SCFD1: variants seen among roughly 807,000 people sequenced by gnomAD.
SCFD1 encodes sec1 family domain-containing protein 1.
SCFD1 carries 37 observed loss-of-function variants against 103.2 expected under a neutral mutation model. That is an observed-to-expected ratio of 0.36 (90% CI 0.28 to 0.47). The LOEUF (loss-of-function observed/expected upper bound fraction) is 0.47, where lower values mean the gene tolerates loss of function less well. SCFD1 is among the 20% of genes least tolerant of loss of function. The probability of loss-of-function intolerance (pLI) is 1.00; values close to 1 mark genes in which losing one functional copy is unlikely to be tolerated. For synonymous variants in SCFD1, 264 were observed against 245.0 expected, an observed-to-expected ratio of 1.08 and a Z score of -0.73; for missense variants, 639 against 761.2, an observed-to-expected ratio of 0.84 and a Z score of 1.89.
intron 9 of SCFD1, chr14:30,652,397 G>A (rs1886482561): frequency 6.6e-6 from 1 of 151,900 alleles, no homozygotes. Context: ...CTCTGTTAAG[G>A]GGATAATAAT....
chr14:30,711,248 G>C (rs753907270), intron 19 of SCFD1, among the ~76,000 whole-genome samples: 2 of 152,094 alleles, frequency 1.3e-5, no homozygotes, highest in Non-Finnish European at 2.9e-5. Context: ...ATTAAAAAAA[G>C]ACTTAAAATA....
At chr14:30,721,525 T>C (rs371003297) in intron 21 of SCFD1, among the ~76,000 whole-genome samples, 3 of 151,776 alleles carry the variant, frequency 2.0e-5, no homozygotes, top group South Asian at 4.2e-4. Flanking sequence ...ATATATAATA[T>C]TGAGTTTGGT....
At chr14:30,691,948 A>ATTTG (rs1224281263) in intron 14 of SCFD1, among the ~76,000 whole-genome samples, 1 of 150,548 alleles carries the variant, frequency 6.6e-6, no homozygotes, top group Non-Finnish European at 1.5e-5. Context: ...TTATTTATTT[A>ATTTG]TTTATTTATT....
At chr14:30,692,689 A>G (rs1408286461) in intron 14 of SCFD1, among the ~76,000 whole-genome samples, 1 of 152,228 alleles carries the variant, frequency 6.6e-6, no homozygotes, top group Non-Finnish European at 1.5e-5. Context: ...GTGAATAGTG[A>G]TAAAACAGAA....
At chr14:30,649,626 T>G in intron 8 of SCFD1, 43 bp downstream of exon 8, 1 of 1,435,898 alleles carries the variant, frequency 7.0e-7, no homozygotes, top group Non-Finnish European at 9.5e-7. Context: ...TAACATTGTG[T>G]GAATTGTTTT....
chr14:30,684,069 A>G (rs774179318), intron 14 of SCFD1, among the ~76,000 whole-genome samples: 1 of 152,214 alleles, frequency 6.6e-6, no homozygotes, highest in Non-Finnish European at 1.5e-5. Context: ...AATCCCTGCA[A>G]TTACTTATAG....
At chr14:30,652,876 G>A (rs1344512268) in intron 9 of SCFD1, among the ~76,000 whole-genome samples, 1 of 151,976 alleles carries the variant, frequency 6.6e-6, no homozygotes, top group Non-Finnish European at 1.5e-5. Context: ...AAGAGTGGTG[G>A]TGCACACCTG....
At chr14:30,677,962 C>T (rs893001365) in intron 14 of SCFD1, among the ~76,000 whole-genome samples, 2 of 150,564 alleles carry the variant, frequency 1.3e-5, no homozygotes, top group African/African-American at 4.9e-5. Context: ...GCCTCAGCCT[C>T]CTGAGTAGCT....
chr14:30,652,465 G>A (rs919637348), intron 9 of SCFD1: 4 of 151,932 alleles, frequency 2.6e-5, no homozygotes, highest in South Asian at 2.1e-4. Flanking sequence ...GTGGTATAGC[G>A]TTTTTTGAGG....
chr14:30,719,746 G>A (rs185404347), intron 21 of SCFD1, among the ~76,000 whole-genome samples: 1 of 152,194 alleles, frequency 6.6e-6, no homozygotes, highest in East Asian at 1.9e-4. Context: ...TTGTTTGGTT[G>A]TTTTTTATTT....
chr14:30,725,380 T>C lies in SCFD1; in HGVS notation c.1836+2821T>C, dbSNP rs142629990. Among the ~76,000 whole-genome samples, 18 of 152,330 alleles carry C rather than the reference T, an allele frequency of 1.2e-4. No individual in the cohort carries two copies. The East Asian group carries it at 3.3e-3, about 28-fold the overall frequency. ...TTATTTGAGCAGTGGTTTGTAGTTC[T>C]GCTTGTAGAGATCTTTCACCTCCCT... On this transcript the variant is annotated intron_variant, in intron 23 of 24. Coordinates refer to ENST00000458591, the MANE Select transcript of SCFD1 (RefSeq NM_016106.4).
At chr14:30,671,065 A>C (rs1041185457) in intron 11 of SCFD1, among the ~76,000 whole-genome samples, 1 of 152,142 alleles carries the variant, frequency 6.6e-6, no homozygotes, top group African/African-American at 2.4e-5. Context: ...AATTATGAAA[A>C]TATGATTTTT....
Position 30,649,515 on chromosome 14 carries a change from A to G in SCFD1, c.614-13A>G, listed in dbSNP as rs2139096008. On this transcript the variant is annotated splice_polypyrimidine_tract_variant and intron_variant, in intron 7 of 24. Coordinates refer to ENST00000458591, the MANE Select transcript of SCFD1 (RefSeq NM_016106.4). ...AGAGCCAAGATCATTTCTAACATTT[A>G]TTGTTAAAATAGGTGCTGTTCCTAT... 1.3e-6 allele frequency: 2 copies of G among 1,558,534 alleles called. No individual in the cohort carries two copies. The highest frequency in any genetic ancestry group is 2.8e-5 in the African/African-American group (2 of 71,730).
intron 10 of SCFD1, among the ~76,000 whole-genome samples, chr14:30,666,081 C>A (rs746353191): frequency 5.3e-5 from 8 of 152,196 alleles, no homozygotes; most frequent in Admixed American, 3.9e-4. Context: ...GAACTCTCCA[C>A]CCCAAATCAA....
At chr14:30,724,245 G>GTTTTTTTTTTTTTTTTTTT (rs58612669) in intron 23 of SCFD1, among the ~76,000 whole-genome samples, 1 of 69,682 alleles carries the variant, frequency 1.4e-5, no homozygotes, top group Non-Finnish European at 2.5e-5. Flanking sequence ...TTTTTTATGG[G>GTTTTTTTTTTTTTTTTTTT]TTTTTTTTTT....
At position 30,673,977 on chromosome 14, in the gene SCFD1, T is replaced by G; in HGVS notation, c.1140T>G (p.Ala380=). 5 of 1,613,316 alleles carry G rather than the reference T, an allele frequency of 3.1e-6. No homozygotes were observed. Among genetic ancestry groups the G allele is most frequent in the Non-Finnish European group, 4.2e-6 (5 of 1,179,376 alleles). The change falls in exon 13 of 25, where the codon GCT becomes GCG. Residue 380 remains alanine, a synonymous_variant. Transcript: ENST00000458591. ...GAISMLSDNT[A]KLTSAVSSLP... ...TAAGTATGCTTTCTGACAATACCGC[T>G]AAGCTAACATCAGCTGTTAGGTAAG...
intron 7 of SCFD1, chr14:30,644,148 A>G (rs139160113): frequency 7.7e-4 from 254 of 330,154 alleles, no homozygotes; most frequent in African/African-American, 5.2e-3. Context: ...ACCTCCAGCT[A>G]TATCTATGTT....
chr14:30,695,925 A>G (rs1890670493), intron 15 of SCFD1, among the ~76,000 whole-genome samples: 1 of 152,114 alleles, frequency 6.6e-6, no homozygotes, highest in Admixed American at 6.6e-5. Flanking sequence ...AAAAAATTTA[A>G]TGTAATCCAA....
chr14:30,680,541 C>G (rs1310059701), intron 14 of SCFD1, among the ~76,000 whole-genome samples: 1 of 152,154 alleles, frequency 6.6e-6, no homozygotes, highest in Non-Finnish European at 1.5e-5. Context: ...TGCTGTAGTT[C>G]CATAAAACAT....
Sources: allele counts gnomAD v4.1 joint callset (sites outside exome capture counted in the v4.1 genomes callset), GRCh38; gene constraint gnomAD v4.1.1; transcripts MANE v1.5; gene names NCBI Gene and HGNC (gene_info 2026-07-23, HGNC 2026-07-21).